The following PKNOX2 variants were observed in gnomAD, a reference collection of about 807,000 sequenced individuals.
The protein encoded by PKNOX2 is PBX/knotted 1 homeobox 2.
PKNOX2 carries 14 observed loss-of-function variants against 53.1 expected under a neutral mutation model. That is an observed-to-expected ratio of 0.26 (90% CI 0.17 to 0.41). The LOEUF is 0.41. Ranked by LOEUF, PKNOX2 falls within the 10% of genes least tolerant of loss-of-function variation. PKNOX2 has a pLI of 1.00. For missense variants in PKNOX2, 496 were observed against 602.8 expected (o/e 0.82, Z 1.85); for synonymous variants, 257 against 242.8 (o/e 1.06, Z -0.54).
chr11:125,173,074 A>C (rs1955443962), intron 1 of PKNOX2, among the ~76,000 whole-genome samples: 1 of 152,224 alleles, frequency 6.6e-6, no homozygotes, highest in Non-Finnish European at 1.5e-5. Context: ...AGCAGTGTGC[A>C]CATCACTTAA....
Position 125,166,273 on chromosome 11 carries a change from T to G in PKNOX2, c.-201+1497T>G, listed in dbSNP as rs1424500133. 2.6e-5 allele frequency among the ~76,000 whole-genome samples: 4 copies of G among 151,964 alleles called. No individual in the cohort carries two copies. The highest frequency in any genetic ancestry group is 5.9e-5 in the Non-Finnish European group (4 of 67,992). On this transcript the variant is annotated intron_variant, in intron 1 of 12. Coordinates refer to ENST00000298282, the MANE Select transcript of PKNOX2 (RefSeq NM_001382323.2). This position sits in a 1 kb window ranked among gnomAD's most constrained non-coding sequence, Gnocchi z 4.0. ...AATTTGGGGAGGGTAGCACGAGGGG[T>G]CCTGCAGCTCCGCGTGTGAAAAAGC...
intron 3 of PKNOX2, among the ~76,000 whole-genome samples, chr11:125,332,883 C>A (rs886400346): frequency 6.6e-6 from 1 of 152,124 alleles, no homozygotes; most frequent in African/African-American, 2.4e-5. Flanking sequence ...TAGAGGTCCA[C>A]ATGTCTGAGG....
chr11:125,258,065 GC>G, intron 2 of PKNOX2, among the ~76,000 whole-genome samples: 1 of 152,156 alleles, frequency 6.6e-6, no homozygotes, highest in Non-Finnish European at 1.5e-5. Context: ...CCAGCTGCCA[GC>G]CCCCTACTGC....
At chr11:125,396,580 T>TA (rs34795718) in intron 6 of PKNOX2, among the ~76,000 whole-genome samples, 6,593 of 138,190 alleles carry the variant, frequency 0.048, 315 homozygotes, top group East Asian at 0.27. Context: ...CAGAAACTTT[T>TA]AAAAAAAAAA....
intron 2 of PKNOX2, among the ~76,000 whole-genome samples, chr11:125,323,010 G>A (rs1182827083): frequency 6.6e-6 from 1 of 152,190 alleles, no homozygotes; most frequent in Admixed American, 6.5e-5. Flanking sequence ...GGCAGAGCAA[G>A]GAGTCCCCTG....
At chr11:125,417,779 A>C (rs759297725) in intron 10 of PKNOX2, among the ~76,000 whole-genome samples, 14 of 151,980 alleles carry the variant, frequency 9.2e-5, no homozygotes, top group Non-Finnish European at 1.8e-4. Context: ...TTCAGACCTC[A>C]CAGCGATGCT....
chr11:125,415,395 C>T (rs962936974), intron 10 of PKNOX2, among the ~76,000 whole-genome samples: 7 of 151,996 alleles, frequency 4.6e-5, no homozygotes, highest in Non-Finnish European at 8.8e-5. Flanking sequence ...GGATTACAGG[C>T]GTCTACCACC....
intron 2 of PKNOX2, among the ~76,000 whole-genome samples, chr11:125,301,163 T>C (rs903827585): frequency 6.6e-6 from 1 of 152,096 alleles, no homozygotes; most frequent in African/African-American, 2.4e-5. Flanking sequence ...GGGAGCGCTG[T>C]TTGGAGCTCA....
chr11:125,322,158 G>A (rs1157065529), intron 2 of PKNOX2, among the ~76,000 whole-genome samples: 1 of 152,060 alleles, frequency 6.6e-6, no homozygotes, highest in Non-Finnish European at 1.5e-5. Context: ...TTAGGTAGGA[G>A]CCATGTCATG....
intron 2 of PKNOX2, among the ~76,000 whole-genome samples, chr11:125,241,824 C>T (rs1943167930): frequency 1.3e-5 from 2 of 152,274 alleles, no homozygotes; most frequent in South Asian, 4.1e-4. Flanking sequence ...CACTGCACTC[C>T]AGCCTGGGTG....
intron 2 of PKNOX2, among the ~76,000 whole-genome samples, chr11:125,248,588 CATATA>C (rs1160436105): frequency 6.7e-6 from 1 of 149,906 alleles, no homozygotes; most frequent in Non-Finnish European, 1.5e-5. Context: ...TATATTGTAA[CATATA>C]ATATAGATGT....
chr11:125,424,687 C>T (rs928666702), intron 10 of PKNOX2, among the ~76,000 whole-genome samples: 13 of 152,214 alleles, frequency 8.5e-5, no homozygotes, highest in African/African-American at 1.2e-4. Flanking sequence ...TGACAGGCTG[C>T]GGCTTCCCAT....
chr11:125,430,015 C>G lies in PKNOX2; in HGVS notation c.1066C>G (p.Pro356Ala). The part of the protein sequence containing the change: ...ILQPMLDASN[P>A]DPAPKAKKIK... ...GCAGCCCATGCTTGATGCCAGCAACCCAGATCCTGCCCCCAAAGCCAAGAA... is the reference window on the plus strand; with the variant it reads ...GCAGCCCATGCTTGATGCCAGCAACGCAGATCCTGCCCCCAAAGCCAAGAA... Residue 356 changes from proline to alanine, a missense_variant, in exon 12 of 13, where the codon CCA (proline) becomes GCA (alanine). Pro to Ala is a conservative substitution (Grantham distance 27). Around this residue, in one of 5 missense-constraint regions of PKNOX2, gnomAD observed 139 missense variants for 161.3 expected, o/e 0.86. Coordinates refer to ENST00000298282, the MANE Select transcript of PKNOX2 (RefSeq NM_001382323.2). 1 of 1,614,182 alleles carries G rather than the reference C, an allele frequency of 6.2e-7. No individual in the cohort carries two copies. Among genetic ancestry groups the G allele is most frequent in the East Asian group, 2.2e-5 (1 of 44,870 alleles).
chr11:125,286,300 A>G (rs886778712), intron 2 of PKNOX2, among the ~76,000 whole-genome samples: 4 of 152,254 alleles, frequency 2.6e-5, no homozygotes, highest in Non-Finnish European at 5.9e-5. Flanking sequence ...TTGCATGTCA[A>G]CAAAGGTTTA....
intron 2 of PKNOX2, among the ~76,000 whole-genome samples, chr11:125,316,971 A>G (rs1949234429): frequency 6.6e-6 from 1 of 152,244 alleles, no homozygotes; most frequent in Non-Finnish European, 1.5e-5. Context: ...AATTCTCTCT[A>G]ACTTTGCTGC....
At chr11:125,233,235 A>G (rs537998786) in intron 1 of PKNOX2, among the ~76,000 whole-genome samples, 2 of 152,332 alleles carry the variant, frequency 1.3e-5, no homozygotes, top group African/African-American at 2.4e-5. Context: ...CATCATGTGC[A>G]CCTGAAAAGT....
intron 10 of PKNOX2, among the ~76,000 whole-genome samples, chr11:125,424,262 A>G (rs1445820775): frequency 3.3e-5 from 5 of 152,204 alleles, no homozygotes; most frequent in Non-Finnish European, 5.9e-5. Context: ...GAGCAAAAAT[A>G]AAAGAATGGA....
At chr11:125,222,147 C>T (rs900563010) in intron 1 of PKNOX2, among the ~76,000 whole-genome samples, 2 of 152,222 alleles carry the variant, frequency 1.3e-5, no homozygotes, top group Non-Finnish European at 2.9e-5. Context: ...TGGCCCCAAA[C>T]TCTTCCTTGT....
chr11:125,179,584 G>A (rs983860565), intron 1 of PKNOX2, among the ~76,000 whole-genome samples: 21 of 152,162 alleles, frequency 1.4e-4, no homozygotes, highest in African/African-American at 4.8e-4. Flanking sequence ...GCAGAGTGGC[G>A]GGTCAGGCGC....
Sources: gnomAD v4.1 joint callset for allele counts (sites outside exome capture counted in the v4.1 genomes callset) on GRCh38, gnomAD v4.1.1 for gene constraint, gnomAD v4.1.1 regional missense constraint, Gnocchi (gnomAD v3.1) non-coding constraint, MANE v1.5 for transcripts, NCBI Gene and HGNC (gene_info 2026-07-23, HGNC 2026-07-21) for gene names.